EPS8: variants seen among roughly 807,000 people sequenced by gnomAD.
EPS8 encodes the protein EGFR pathway substrate 8, signaling adaptor, also known as epidermal growth factor receptor kinase substrate 8.
A neutral mutation model predicts 103.8 loss-of-function variants in EPS8; 42 were observed. That is an observed-to-expected ratio of 0.40 (90% CI 0.32 to 0.52). The LOEUF is 0.52. EPS8 is among the 20% of genes least tolerant of loss of function. The pLI is 0.40. For missense variants in EPS8, 969 were observed against 1,005.1 expected (o/e 0.96, Z 0.49); for synonymous variants, 344 against 344.6 (o/e 1.00, Z 0.02).
chr12:15,750,822 A>T (rs1054426342), intron 1 of EPS8, among the ~76,000 whole-genome samples: 1 of 152,242 alleles, frequency 6.6e-6, no homozygotes, highest in African/African-American at 2.4e-5. Flanking sequence ...TTTTAGAAAC[A>T]TATCTACCAA....
At chr12:15,635,822 A>G (rs958959628) in intron 17 of EPS8, among the ~76,000 whole-genome samples, 1 of 152,202 alleles carries the variant, frequency 6.6e-6, no homozygotes. Flanking sequence ...CTTTTCACAC[A>G]GTATCATATT....
rs1434216259 is a variant in EPS8, at chr12:15,771,562, T to C, written c.-22+17599A>G. Among the ~76,000 whole-genome samples, 4 of 152,110 alleles carry C rather than the reference T, an allele frequency of 2.6e-5. No individual in the cohort carries two copies. Among genetic ancestry groups the C allele is most frequent in the African/African-American group, 9.7e-5 (4 of 41,412 alleles). The stretch of plus-strand genomic sequence containing the variant: ...GAACAGAAGGGGCAAAGGCGAGGGT[T>C]AACTTTAATGTGAAAGCAGCAAAAT... On this transcript the variant is annotated intron_variant, in intron 1 of 20. Coordinates refer to ENST00000281172, the MANE Select transcript of EPS8 (RefSeq NM_004447.6). The surrounding 1 kb of genome is among the most constrained non-coding windows in gnomAD (Gnocchi z 4.6).
At chr12:15,670,705 G>A (rs994086562) in intron 4 of EPS8, 151 bp downstream of exon 4, 3 of 544,962 alleles carry the variant, frequency 5.5e-6, no homozygotes, top group Non-Finnish European at 9.7e-6. Flanking sequence ...TACTTTATAT[G>A]TAATATCTGT....
chr12:15,722,129 C>G (rs528415941), intron 1 of EPS8, among the ~76,000 whole-genome samples: 2 of 148,800 alleles, frequency 1.3e-5, no homozygotes. Flanking sequence ...CTTCCCTGGG[C>G]TACAATGGAA....
intron 20 of EPS8, among the ~76,000 whole-genome samples, 195 bp from the exon 21 acceptor site, chr12:15,621,625 G>T (rs2135704801): frequency 6.6e-6 from 1 of 152,222 alleles, no homozygotes; most frequent in African/African-American, 2.4e-5. Flanking sequence ...ATTTTGTAAA[G>T]TCTGTTAAGG....
Position 15,666,469 on chromosome 12 carries a change from C to G in EPS8, c.570G>C (p.Gly190=). 1 of 1,613,950 alleles carries G rather than the reference C, an allele frequency of 6.2e-7. No homozygotes were observed. ...GGGCGTCGGGCCGCCTCTTCTGTTT[C>G]CCTCCTTTACTGTCACTGATTGCAC... ...IESAISDSKG[G]KQKRRPDALR... Residue 190 remains glycine, a synonymous_variant, in exon 7 of 21, where the codon GGG becomes GGC. Transcript: ENST00000281172.
At chr12:15,634,081 C>G (rs1394790188) in intron 17 of EPS8, among the ~76,000 whole-genome samples, 1 of 152,130 alleles carries the variant, frequency 6.6e-6, no homozygotes, top group Non-Finnish European at 1.5e-5. Flanking sequence ...ACTTTTTTCT[C>G]CTGAACCAAC....
rs1421832978 is a variant in EPS8, at chr12:15,787,972, A to C, written c.-22+1189T>G. On this transcript the variant is annotated intron_variant, in intron 1 of 20. Coordinates refer to ENST00000281172, the MANE Select transcript of EPS8 (RefSeq NM_004447.6). The surrounding 1 kb of genome is among the most constrained non-coding windows in gnomAD (Gnocchi z 4.9). The stretch of plus-strand genomic sequence containing the variant: ...ATTCCAATAGACTCACTACCACATG[A>C]CGTCCATTACTAGTGCTCACTTTCC... 1 of 152,210 alleles carries C rather than the reference A, an allele frequency of 6.6e-6. No homozygotes were observed. The highest frequency in any genetic ancestry group is 1.5e-5 in the Non-Finnish European group (1 of 68,038). The allele number at this position is 152,210 out of a possible 1,614,324, so 9.4% of individuals were successfully genotyped here. A position where few individuals can be genotyped will look rare whatever the true frequency, so the allele number is the denominator to read the frequency against.
rs1418141160 is a variant in EPS8 at position 15,780,322 on chromosome 12, CAT to C, written c.-22+8837_-22+8838del. The stretch of plus-strand genomic sequence containing the variant: ...TCCCATCATGCCAACCTATTCCGCA[CAT>C]GTCAAACATGCTCATCTTTCTACCT... On this transcript the variant is annotated intron_variant, in intron 1 of 20. Coordinates refer to ENST00000281172, the MANE Select transcript of EPS8 (RefSeq NM_004447.6). This position sits in a 1 kb window ranked among gnomAD's most constrained non-coding sequence, Gnocchi z 4.1. 6.6e-6 allele frequency among the ~76,000 whole-genome samples: 1 copy of C among 152,014 alleles called. No individual in the cohort carries two copies.
At chr12:15,732,390 C>T (rs1168784969) in intron 1 of EPS8, among the ~76,000 whole-genome samples, 1 of 152,192 alleles carries the variant, frequency 6.6e-6, no homozygotes, top group South Asian at 2.1e-4. Context: ...ACAATACTTA[C>T]ATTATTCTGT....
rs140669052 is a variant in EPS8, at chr12:15,679,001, A to G, written c.136+2225T>C. Among the ~76,000 whole-genome samples the G allele has an allele frequency of 1.9e-3, 291 of 151,988 alleles. 1 individual carries two copies. Among genetic ancestry groups the G allele is most frequent in the Middle Eastern group, 0.01 (3 of 290 alleles). On this transcript the variant is annotated intron_variant, in intron 3 of 20. Transcript: ENST00000281172. ...TTGCTTCTAATACAACATAAACATT[A>G]AAATTTACAGGTGAGTTCTATTTTC...
In EPS8 at chr12:15,717,241, T is replaced by C. The variant is rs1167739406; in HGVS notation, c.-21-34269A>G. On this transcript the variant is annotated intron_variant, in intron 1 of 20. Coordinates refer to ENST00000281172, the MANE Select transcript of EPS8 (RefSeq NM_004447.6). The surrounding 1 kb of genome is among the most constrained non-coding windows in gnomAD (Gnocchi z 4.3). ...TTTGTTAAAACATTCAATGAGTCAG[T>C]ATGGGTTGAAGCTATTGTTTGGCTG... 6.6e-6 allele frequency among the ~76,000 whole-genome samples: 1 copy of C among 152,114 alleles called. No individual in the cohort carries two copies. The highest frequency in any genetic ancestry group is 6.5e-5 in the Admixed American group (1 of 15,280).
Position 15,736,362 on chromosome 12 carries a change from G to A in EPS8, c.-22+52799C>T, listed in dbSNP as rs1272076964. ...CATAAGTTAACACTACGGAAATACT[G>A]AAGAGAATTTCATTCTTCTGTACAG... On this transcript the variant is annotated intron_variant, in intron 1 of 20. Coordinates refer to ENST00000281172, the MANE Select transcript of EPS8 (RefSeq NM_004447.6). The surrounding 1 kb of genome is among the most constrained non-coding windows in gnomAD (Gnocchi z 4.2). 6.6e-6 allele frequency among the ~76,000 whole-genome samples: 1 copy of A among 152,244 alleles called. No individual in the cohort carries two copies. Among genetic ancestry groups the A allele is most frequent in the East Asian group, 1.9e-4 (1 of 5,182 alleles).
rs181387396 is a variant in EPS8, at chr12:15,761,185, T to C, written c.-22+27976A>G. ...AAAAAGAAAAAAAAAGTAATCCCAT[T>C]TACAACAGCCACACATAAAATTAAA... On this transcript the variant is annotated intron_variant, in intron 1 of 20. Transcript: ENST00000281172. This position sits in a 1 kb window ranked among gnomAD's most constrained non-coding sequence, Gnocchi z 4.5. Among the ~76,000 whole-genome samples the C allele has an allele frequency of 6.6e-6, 1 of 151,892 alleles. No homozygotes were observed. The highest frequency in any genetic ancestry group is 1.9e-4 in the East Asian group (1 of 5,168).
At chr12:15,712,079 T>C (rs1030329759) in intron 1 of EPS8, among the ~76,000 whole-genome samples, 1 of 152,194 alleles carries the variant, frequency 6.6e-6, no homozygotes, top group Non-Finnish European at 1.5e-5. Context: ...GAACTACTTA[T>C]AGATCTTTAT....
Position 15,640,707 on chromosome 12 carries a change from A to G in EPS8, c.1817T>C (p.Ile606Thr). ...TTACTAAGAAATCATGCTCACCTGT[A>G]TAGTATGAGTATAAGGTGGATCAGC... ...GRADPPYTHT[I>T]QKQRMEYGPR... is the part of the protein sequence containing the mutation. The change falls in exon 17 of 21, where the codon ATA (isoleucine) becomes ACA (threonine). Residue 606 changes from isoleucine (I) to threonine (T), a missense_variant. Ile to Thr is a moderately conservative substitution (Grantham distance 89). Transcript: ENST00000281172. 2 of 1,613,594 alleles carry G rather than the reference A, an allele frequency of 1.2e-6. No individual in the cohort carries two copies. The highest frequency in any genetic ancestry group is 1.7e-6 in the Non-Finnish European group (2 of 1,179,538).
In EPS8 at chr12:15,684,503, G is replaced by A. The variant is rs1946062052; in HGVS notation, c.-21-1531C>T. 6.6e-6 allele frequency among the ~76,000 whole-genome samples: 1 copy of A among 152,108 alleles called. No individual in the cohort carries two copies. The highest frequency in any genetic ancestry group is 1.5e-5 in the Non-Finnish European group (1 of 68,012). ...GAAGGGTACCAGGCACAGAATAGGT[G>A]TTCATTAAATATTTATTCAAAGAAA... On this transcript the variant is annotated intron_variant, in intron 1 of 20. Coordinates refer to ENST00000281172, the MANE Select transcript of EPS8 (RefSeq NM_004447.6). This position sits in a 1 kb window ranked among gnomAD's most constrained non-coding sequence, Gnocchi z 4.9.
chr12:15,786,737 C>G (rs961984285), intron 1 of EPS8, among the ~76,000 whole-genome samples: 1 of 151,968 alleles, frequency 6.6e-6, no homozygotes, highest in African/African-American at 2.4e-5. Flanking sequence ...CACTGAAGAC[C>G]CTTAAACTTT....
At chr12:15,740,227 A>G (rs568204131) in intron 1 of EPS8, among the ~76,000 whole-genome samples, 224 of 152,280 alleles carry the variant, frequency 1.5e-3, no homozygotes, top group East Asian at 9.1e-3. Context: ...GAGCACCTAC[A>G]AGCATACACA....
Sources: allele counts gnomAD v4.1 joint callset (sites outside exome capture counted in the v4.1 genomes callset), GRCh38; gene constraint gnomAD v4.1.1; non-coding constraint Gnocchi (gnomAD v3.1); transcripts MANE v1.5; gene names NCBI Gene and HGNC (gene_info 2026-07-23, HGNC 2026-07-21).